RPA1: variants seen among roughly 807,000 people sequenced by gnomAD.
RPA1 encodes the protein replication protein A1.
A neutral mutation model predicts 83.0 loss-of-function variants in RPA1; 49 were observed. The observed-to-expected ratio is 0.59, with a 90% CI of 0.47 to 0.75. RPA1 has a LOEUF of 0.75. Ranked by LOEUF, RPA1 falls within the 30% of genes least tolerant of loss-of-function variation. RPA1 has a pLI of 0.00. For missense variants in RPA1, 693 were observed against 776.1 expected, an observed-to-expected ratio of 0.89 and a Z score of 1.27; for synonymous variants, 279 against 281.8, an observed-to-expected ratio of 0.99 and a Z score of 0.10.
intron 12 of RPA1, among the ~76,000 whole-genome samples, chr17:1,881,900 C>T (rs1248089361): frequency 6.9e-5 from 3 of 43,300 alleles, no homozygotes; most frequent in Admixed American, 2.1e-4. Flanking sequence ...TGACTCCTGA[C>T]GAGTGATCTT....
At chr17:1,853,303 C>T (rs1041377806) in intron 5 of RPA1, 114 bp downstream of exon 5, 2 of 799,340 alleles carry the variant, frequency 2.5e-6, no homozygotes, top group African/African-American at 3.5e-5. Context: ...GATAGTGATT[C>T]TGAGGTCTAG....
chr17:1,872,660 C>T, intron 6 of RPA1, 134 bp downstream of exon 6: 3 of 1,159,028 alleles, frequency 2.6e-6, no homozygotes, highest in South Asian at 3.4e-5. Flanking sequence ...AAGAATAATT[C>T]TGATTCATAT....
intron 15 of RPA1, among the ~76,000 whole-genome samples, chr17:1,892,824 AG>A (rs1463942817): frequency 1.3e-5 from 2 of 152,218 alleles, no homozygotes; most frequent in African/African-American, 4.8e-5. Flanking sequence ...TTCACATATT[AG>A]GTTTATTTAA....
rs182831516 is a variant in RPA1 at position 1,883,785 on chromosome 17, G to A, written c.1242-27G>A. ...CAGAAGCATGTCACATCAAGCGCTC[G>A]TCATCGTTATTCGTTCACGTTTTCA... On this transcript the variant is annotated intron_variant, in intron 12 of 16. Transcript: ENST00000254719. The A allele has an allele frequency of 1.3e-4, 206 of 1,613,524 alleles. No homozygotes were observed. In the African/African-American group the frequency reaches 2.3e-3, roughly 18 times the overall value.
At chr17:1,833,760 A>G in intron 1 of RPA1, among the ~76,000 whole-genome samples, 1 of 152,180 alleles carries the variant, frequency 6.6e-6, no homozygotes, top group African/African-American at 2.4e-5. Context: ...AGGCTGAGGC[A>G]GGAGAATCTC....
intron 1 of RPA1, among the ~76,000 whole-genome samples, chr17:1,840,959 CG>C (rs1912024324): frequency 6.6e-6 from 1 of 151,868 alleles, no homozygotes; most frequent in African/African-American, 2.4e-5. Flanking sequence ...CCCAGCTACG[CG>C]GGAGGCTGCA....
At chr17:1,891,786 CT>C in intron 14 of RPA1, 46 bp from the exon 15 acceptor site, 1 of 1,279,468 alleles carries the variant, frequency 7.8e-7, no homozygotes, top group Non-Finnish European at 1.1e-6. Context: ...CTCAGTGTGT[CT>C]TTTTATTATT....
intron 1 of RPA1, 147 bp from the exon 2 acceptor site, chr17:1,842,656 T>G (rs1912097755): frequency 1.5e-6 from 1 of 659,910 alleles, no homozygotes. Context: ...TTGTCCAGAG[T>G]GATAAACTAG....
At chr17:1,887,215 A>G (rs1335718227) in intron 13 of RPA1, among the ~76,000 whole-genome samples, 1 of 152,138 alleles carries the variant, frequency 6.6e-6, no homozygotes, top group Non-Finnish European at 1.5e-5. Context: ...TCCCCATCTT[A>G]TATGGGTGTA....
At chr17:1,886,810 A>G (rs1914012349) in intron 13 of RPA1, among the ~76,000 whole-genome samples, 1 of 150,738 alleles carries the variant, frequency 6.6e-6, no homozygotes, top group South Asian at 2.1e-4. Flanking sequence ...CTGGGACTAC[A>G]GGTGCACACC....
chr17:1,862,781 G>GAACGATCTCCGCTCACTGC (rs1234779010), intron 5 of RPA1, among the ~76,000 whole-genome samples: 7 of 137,718 alleles, frequency 5.1e-5, no homozygotes, highest in Non-Finnish European at 1.1e-4. Flanking sequence ...GAGTGCACTG[G>GAACGATCTCCGCTCACTGC]AACGATCTCC....
At chr17:1,886,737 C>T (rs927508377) in intron 13 of RPA1, among the ~76,000 whole-genome samples, 23 of 136,786 alleles carry the variant, frequency 1.7e-4, no homozygotes, top group Non-Finnish European at 2.9e-4. Context: ...GACAGAGTCT[C>T]ACTCTGTCAC....
intron 1 of RPA1, among the ~76,000 whole-genome samples, chr17:1,834,743 G>C (rs1185936098): frequency 6.6e-6 from 1 of 152,182 alleles, no homozygotes; most frequent in East Asian, 1.9e-4. Context: ...AACCCTAGAA[G>C]ATAGCTATTA....
intron 5 of RPA1, among the ~76,000 whole-genome samples, chr17:1,869,218 T>G (rs1913290221): frequency 6.6e-6 from 1 of 152,206 alleles, no homozygotes; most frequent in Non-Finnish European, 1.5e-5. Context: ...GCAAATAATT[T>G]GAGGTGCTAA....
chr17:1,858,262 A>G, intron 5 of RPA1: 5 of 1,612,936 alleles, frequency 3.1e-6, no homozygotes, highest in Non-Finnish European at 2.5e-6. Flanking sequence ...ATAAGACTCA[A>G]AGTTCCCAGG....
intron 4 of RPA1, among the ~76,000 whole-genome samples, chr17:1,850,612 C>T (rs553684064): frequency 6.6e-6 from 1 of 150,818 alleles, no homozygotes; most frequent in East Asian, 2.0e-4. Context: ...AAAAAAAATC[C>T]TAGGCTGTGC....
At chr17:1,881,698 T>G (rs1212151325) in intron 12 of RPA1, among the ~76,000 whole-genome samples, 1 of 152,196 alleles carries the variant, frequency 6.6e-6, no homozygotes, top group Non-Finnish European at 1.5e-5. Flanking sequence ...ATTCCCACAT[T>G]AATGTCTTCA....
intron 4 of RPA1, among the ~76,000 whole-genome samples, chr17:1,851,057 T>C (rs1303865085): frequency 6.6e-6 from 1 of 152,218 alleles, no homozygotes; most frequent in African/African-American, 2.4e-5. Flanking sequence ...TCATCTGTTG[T>C]CCAGTTTTGC....
At chr17:1,855,500 T>C (rs1175872108) in intron 5 of RPA1, among the ~76,000 whole-genome samples, 1 of 152,236 alleles carries the variant, frequency 6.6e-6, no homozygotes, top group Admixed American at 6.5e-5. Flanking sequence ...TTTTGAGCGC[T>C]AAACCAATCT....
Sources: gnomAD v4.1 joint callset for allele counts (sites outside exome capture counted in the v4.1 genomes callset) on GRCh38, gnomAD v4.1.1 for gene constraint, MANE v1.5 for transcripts, NCBI Gene and HGNC (gene_info 2026-07-23, HGNC 2026-07-21) for gene names.